The following AK4 variants were observed in gnomAD, a reference collection of about 807,000 sequenced individuals.
AK4 encodes adenylate kinase 4, also known as adenylate kinase 4, mitochondrial.
Under a neutral mutation model 24.6 loss-of-function variants are expected in AK4, and 13 were observed. The observed-to-expected ratio is 0.53, with a 90% CI of 0.34 to 0.84. AK4 has a LOEUF of 0.84. AK4 is among the 40% of genes least tolerant of loss of function. The pLI, the probability that AK4 is intolerant of heterozygous loss-of-function variation, is 0.01. For synonymous variants in AK4, 88 were observed against 107.0 expected (o/e 0.82, Z 1.10); for missense variants, 192 against 288.2 (o/e 0.67, Z 2.42).
chr1:65,175,969 G>A (rs1026603116), intron 1 of AK4, among the ~76,000 whole-genome samples: 4 of 152,000 alleles, frequency 2.6e-5, no homozygotes, highest in Admixed American at 6.6e-5. Flanking sequence ...TTCCTATCCC[G>A]GGCCAAGAAA....
At chr1:65,155,856 G>GA (rs1383160463) in intron 1 of AK4, among the ~76,000 whole-genome samples, 1 of 143,746 alleles carries the variant, frequency 7.0e-6, no homozygotes, top group Non-Finnish European at 1.5e-5. Flanking sequence ...ATTTTTAGTA[G>GA]AGACGGTTTC....
At chr1:65,206,115 TA>T (rs1423611259) in intron 2 of AK4, among the ~76,000 whole-genome samples, 1 of 152,168 alleles carries the variant, frequency 6.6e-6, no homozygotes, top group Admixed American at 6.6e-5. Context: ...AATGTGACAT[TA>T]TGTATTTATG....
chr1:65,189,033 A>C (rs1170053118), intron 1 of AK4, among the ~76,000 whole-genome samples: 1 of 152,028 alleles, frequency 6.6e-6, no homozygotes, highest in East Asian at 1.9e-4. Flanking sequence ...TACTGGATTC[A>C]AGCGATTCTC....
At chr1:65,209,084 G>T (rs555709711) in intron 2 of AK4, among the ~76,000 whole-genome samples, 3 of 152,194 alleles carry the variant, frequency 2.0e-5, no homozygotes, top group Non-Finnish European at 4.4e-5. Context: ...TAAAATTTCA[G>T]CTTTCAATCT....
intron 1 of AK4, among the ~76,000 whole-genome samples, chr1:65,166,429 G>A (rs1483159579): frequency 2.6e-5 from 4 of 151,276 alleles, no homozygotes; most frequent in Non-Finnish European, 5.9e-5. Context: ...ATTTTCCCTT[G>A]GACTTCTCTT....
Position 65,230,741 on chromosome 1 carries a change from A to T in AK4, c.*4564A>T, listed in dbSNP as rs567381100. 1 of 152,272 alleles carries T rather than the reference A, an allele frequency of 6.6e-6. No individual in the cohort carries two copies. Among genetic ancestry groups the T allele is most frequent in the Admixed American group, 6.5e-5 (1 of 15,288 alleles). The allele number at this position is 152,272 out of a possible 1,614,324, so 9.4% of individuals were successfully genotyped here. The stretch of plus-strand genomic sequence containing the variant: ...AACAACATATTTGCTTCAGCCTGGA[A>T]TCTGTTTTTGGTGCTTTGGTGCAGA... On this transcript the variant is annotated 3_prime_UTR_variant, in exon 5 of 5. Transcript: ENST00000327299.
rs545131624 is a variant in AK4 at position 65,209,191 on chromosome 1, T to G, written c.266-9563T>G. On this transcript the variant is annotated intron_variant, in intron 2 of 4. Coordinates refer to ENST00000327299, the MANE Select transcript of AK4 (RefSeq NM_013410.4). ...TCTGGTGTGGAAGCATGATAAAGCATGCGGTGGAACAGACCCTCTGAGGAG... is the reference window on the plus strand; with the variant it reads ...TCTGGTGTGGAAGCATGATAAAGCAGGCGGTGGAACAGACCCTCTGAGGAG... Among the ~76,000 whole-genome samples, 15 of 152,314 alleles carry G rather than the reference T, an allele frequency of 9.8e-5. No homozygotes were observed. The South Asian group carries it at 2.3e-3, about 23-fold the overall frequency.
chr1:65,167,797 T>G (rs1001345284), intron 1 of AK4, among the ~76,000 whole-genome samples: 3 of 152,328 alleles, frequency 2.0e-5, no homozygotes, highest in African/African-American at 7.2e-5. Context: ...CAGGTCTAAT[T>G]GTTGGAAGAT....
intron 1 of AK4, among the ~76,000 whole-genome samples, chr1:65,153,849 C>G (rs1400323941): frequency 6.6e-6 from 1 of 151,932 alleles, no homozygotes; most frequent in Non-Finnish European, 1.5e-5. Context: ...GTGCAAAGGC[C>G]CTAAGGTGGG....
At chr1:65,221,018 T>C (rs1410908881) in intron 3 of AK4, among the ~76,000 whole-genome samples, 1 of 152,162 alleles carries the variant, frequency 6.6e-6, no homozygotes, top group Non-Finnish European at 1.5e-5. Flanking sequence ...AATAAAAAGA[T>C]TACCCTTAAA....
intron 1 of AK4, among the ~76,000 whole-genome samples, chr1:65,165,509 G>T (rs1425853233): frequency 6.6e-6 from 1 of 151,356 alleles, no homozygotes; most frequent in Non-Finnish European, 1.5e-5. Context: ...GATCCTGCCT[G>T]TGAATAGCCA....
chr1:65,206,699 AG>A (rs1194701629), intron 2 of AK4, among the ~76,000 whole-genome samples: 12 of 152,248 alleles, frequency 7.9e-5, no homozygotes, highest in African/African-American at 2.9e-4. Flanking sequence ...GGAACCCTTA[AG>A]CCCAGGAGTT....
rs147736897 is a variant in AK4 at position 65,149,380 on chromosome 1, C to G, written c.145+828C>G. ...TTGAGTGCGTCCCTTTCCCCCTCTC[C>G]TCCCACTCCACGTTCACACCAGTTC... On this transcript the variant is annotated intron_variant, in intron 1 of 4. Coordinates refer to ENST00000327299, the MANE Select transcript of AK4 (RefSeq NM_013410.4). Among the ~76,000 whole-genome samples the G allele has an allele frequency of 6.8e-3, 1,042 of 152,300 alleles. 10 individuals carry two copies. Among genetic ancestry groups the G allele is most frequent in the African/African-American group, 0.024 (982 of 41,576 alleles).
Position 65,219,776 on chromosome 1 carries a change from G to T in AK4, c.438+850G>T, listed in dbSNP as rs28404333. Among the ~76,000 whole-genome samples the T allele has an allele frequency of 5.9e-5, 9 of 152,046 alleles. 1 individual carries two copies. Among genetic ancestry groups the T allele is most frequent in the Admixed American group, 5.9e-4 (9 of 15,266 alleles). ...ATTCATAGTTTGCATTGACGTTTTC[G>T]TTTTTTATAGTCTATGGATTTTCAC... On this transcript the variant is annotated intron_variant, in intron 3 of 4. Coordinates refer to ENST00000327299, the MANE Select transcript of AK4 (RefSeq NM_013410.4).
intron 1 of AK4, among the ~76,000 whole-genome samples, chr1:65,150,429 A>G (rs977852218): frequency 2.6e-5 from 4 of 152,136 alleles, no homozygotes; most frequent in African/African-American, 7.2e-5. Context: ...GGAATCAAGC[A>G]GCTTTTTGCA....
intron 1 of AK4, among the ~76,000 whole-genome samples, chr1:65,156,794 T>C (rs1185887205): frequency 6.6e-6 from 1 of 151,970 alleles, no homozygotes; most frequent in Admixed American, 6.6e-5. Context: ...TGGTGGCACA[T>C]GCCTGTAATC....
chr1:65,189,024 A>C (rs6663843), intron 1 of AK4, among the ~76,000 whole-genome samples: 2 of 151,192 alleles, frequency 1.3e-5, no homozygotes, highest in Non-Finnish European at 3.0e-5. Context: ...ACCTCTGCCT[A>C]CTGGATTCAA....
intron 1 of AK4, 151 bp downstream of exon 1, chr1:65,148,703 G>A: frequency 7.8e-7 from 1 of 1,277,418 alleles, no homozygotes; most frequent in Non-Finnish European, 1.0e-6. Flanking sequence ...GCAGCTGGCG[G>A]CCGCGCGGCT....
chr1:65,191,804 G>A (rs753370993), intron 2 of AK4, among the ~76,000 whole-genome samples: 5 of 152,120 alleles, frequency 3.3e-5, no homozygotes, highest in Non-Finnish European at 5.9e-5. Flanking sequence ...ATTAGGTGCT[G>A]GGGCATGGAG....
Sources: allele counts gnomAD v4.1 joint callset (sites outside exome capture counted in the v4.1 genomes callset), GRCh38; gene constraint gnomAD v4.1.1; transcripts MANE v1.5; gene names NCBI Gene and HGNC (gene_info 2026-07-23, HGNC 2026-07-21).